Variants in SCAI observed in about 807,000 individuals in gnomAD.
The protein encoded by SCAI is suppressor of cancer cell invasion.
A neutral mutation model predicts 92.2 loss-of-function variants in SCAI; 24 were observed. That is an observed-to-expected ratio of 0.26 (90% CI 0.19 to 0.37). The LOEUF (loss-of-function observed/expected upper bound fraction) is 0.37. Among genes scored for constraint, SCAI ranks in the 10% least tolerant of loss-of-function variants. The pLI, the probability that SCAI is intolerant of heterozygous loss-of-function variation, is 1.00. For synonymous variants in SCAI, 261 were observed against 258.6 expected, an observed-to-expected ratio of 1.01 and a Z score of -0.09; for missense variants, 450 against 736.2, an observed-to-expected ratio of 0.61 and a Z score of 4.50.
chr9:125,035,706 A>G (rs1833180608), intron 3 of SCAI, among the ~76,000 whole-genome samples: 1 of 152,220 alleles, frequency 6.6e-6, no homozygotes, highest in Non-Finnish European at 1.5e-5. Flanking sequence ...AGATAATACT[A>G]TCATCTATGA....
intron 9 of SCAI, among the ~76,000 whole-genome samples, chr9:125,005,300 C>T (rs1832480325): frequency 6.6e-6 from 1 of 152,102 alleles, no homozygotes; most frequent in Admixed American, 6.5e-5. Context: ...ATGAAGATTA[C>T]TAACTACACT....
At chr9:125,141,236 G>T (rs1835659095) in intron 2 of SCAI, among the ~76,000 whole-genome samples, 1 of 152,142 alleles carries the variant, frequency 6.6e-6, no homozygotes. Flanking sequence ...ATGGTTACTG[G>T]ATTGGACAGT....
intron 3 of SCAI, among the ~76,000 whole-genome samples, chr9:125,032,814 C>A (rs1588165288): frequency 6.7e-6 from 1 of 149,640 alleles, no homozygotes. Context: ...AAGGGGTTTC[C>A]CCATGTTGGC....
chr9:125,018,321 C>T (rs138880556), intron 9 of SCAI, among the ~76,000 whole-genome samples: 78 of 152,154 alleles, frequency 5.1e-4, no homozygotes, highest in African/African-American at 1.7e-3. Context: ...GTCTTGAACT[C>T]CTGACCTCAA....
At chr9:124,999,343 T>C (rs1203905665) in intron 13 of SCAI, among the ~76,000 whole-genome samples, 2 of 150,854 alleles carry the variant, frequency 1.3e-5, no homozygotes, top group Admixed American at 6.6e-5. Flanking sequence ...GCCGAGATCA[T>C]GCCACTGCAC....
At chr9:125,047,556 A>G (rs777517416) in intron 3 of SCAI, among the ~76,000 whole-genome samples, 21 of 152,206 alleles carry the variant, frequency 1.4e-4, no homozygotes, top group Non-Finnish European at 2.8e-4. Flanking sequence ...GTTGGAGGAG[A>G]CAAAGAAAGC....
intron 2 of SCAI, among the ~76,000 whole-genome samples, chr9:125,062,307 G>C (rs113550701): frequency 0.023 from 3,505 of 151,488 alleles, 143 homozygotes; most frequent in African/African-American, 0.081. Context: ...GTATTTTTTT[G>C]TAGAGACATG....
chr9:124,974,723 T>C (rs543277793), intron 15 of SCAI, among the ~76,000 whole-genome samples: 1 of 152,358 alleles, frequency 6.6e-6, no homozygotes, highest in East Asian at 1.9e-4. Flanking sequence ...GGATAAAATG[T>C]GTGAAGGACA....
chr9:125,126,854 A>C (rs928839460), intron 2 of SCAI, among the ~76,000 whole-genome samples: 1 of 152,210 alleles, frequency 6.6e-6, no homozygotes, highest in African/African-American at 2.4e-5. Context: ...TTAAGACATC[A>C]ATGGATGTTT....
chr9:125,101,859 C>T (rs911121342), intron 2 of SCAI, among the ~76,000 whole-genome samples: 1 of 152,158 alleles, frequency 6.6e-6, no homozygotes, highest in East Asian at 1.9e-4. Context: ...GTTTAGATTT[C>T]CTTTTGAGAA....
chr9:125,057,711 G>A (rs1013805148), intron 2 of SCAI, among the ~76,000 whole-genome samples: 2 of 152,194 alleles, frequency 1.3e-5, no homozygotes, highest in Non-Finnish European at 2.9e-5. Flanking sequence ...TGGAGGACTG[G>A]CAGGGAAAGT....
At position 124,949,766 on chromosome 9, in the gene SCAI, T is replaced by C. The variant is rs1831204056; in HGVS notation, c.*3041A>G. On this transcript the variant is annotated 3_prime_UTR_variant, in exon 18 of 18. Transcript: ENST00000336505. The surrounding 1 kb of genome is among the most constrained non-coding windows in gnomAD (Gnocchi z 4.0). Reference sequence around the variant, plus strand: ...ATGTTTATTGCCTTACTCCTTCTACTAGAATGTAAGCTTCATGAACATGAG... The same window carrying C: ...ATGTTTATTGCCTTACTCCTTCTACCAGAATGTAAGCTTCATGAACATGAG... 6.6e-6 allele frequency: 1 copy of C among 152,238 alleles called. No individual in the cohort carries two copies. Among genetic ancestry groups the C allele is most frequent in the African/African-American group, 2.4e-5 (1 of 41,456 alleles). 9.4% of individuals were successfully genotyped at this position (152,238 alleles called of 1,614,324 possible).
At chr9:125,030,575 T>A (rs1179592522) in intron 3 of SCAI, among the ~76,000 whole-genome samples, 1 of 152,100 alleles carries the variant, frequency 6.6e-6, no homozygotes, top group Admixed American at 6.6e-5. Context: ...GTAATAGGAG[T>A]ACGTTATTGC....
chr9:124,957,145 C>T (rs1197180062), intron 17 of SCAI, among the ~76,000 whole-genome samples: 1 of 151,948 alleles, frequency 6.6e-6, no homozygotes, highest in Admixed American at 6.6e-5. Flanking sequence ...GCATGTGCCA[C>T]CACAGCCCAA....
At chr9:125,141,285 TCCA>T (rs1411058953) in intron 2 of SCAI, among the ~76,000 whole-genome samples, 1 of 152,226 alleles carries the variant, frequency 6.6e-6, no homozygotes, top group African/African-American at 2.4e-5. Flanking sequence ...TGTTGGCACT[TCCA>T]CCATCAGCAT....
chr9:125,113,474 G>A (rs753804726), intron 2 of SCAI, among the ~76,000 whole-genome samples: 1 of 151,976 alleles, frequency 6.6e-6, no homozygotes, highest in Admixed American at 6.6e-5. Context: ...ACTGTAATGT[G>A]GTATCCTGGG....
intron 3 of SCAI, among the ~76,000 whole-genome samples, chr9:125,045,216 C>A (rs927367872): frequency 9.2e-5 from 14 of 152,164 alleles, no homozygotes; most frequent in Non-Finnish European, 1.9e-4. Flanking sequence ...TAGACATGCA[C>A]CACCATGCCT....
In SCAI at chr9:124,946,767, A is replaced by C. The variant is rs775497631; in HGVS notation, c.*6040T>G. The C allele has an allele frequency of 2.6e-5, 4 of 152,224 alleles. No individual in the cohort carries two copies. Among genetic ancestry groups the C allele is most frequent in the Non-Finnish European group, 5.9e-5 (4 of 68,028 alleles). 9.4% of individuals were successfully genotyped at this position (152,224 alleles called of 1,614,324 possible). A position where few individuals can be genotyped will look rare whatever the true frequency, so the allele number is the denominator to read the frequency against. On this transcript the variant is annotated 3_prime_UTR_variant, in exon 18 of 18. Coordinates refer to ENST00000336505, the MANE Select transcript of SCAI (RefSeq NM_001144877.3). The surrounding 1 kb of genome is among the most constrained non-coding windows in gnomAD (Gnocchi z 4.0). Reference sequence around the variant, plus strand: ...CATCTAATATTAAAAACTCTACTTCATGTGCGAATATATCATCAACTTGCA... The same window carrying C: ...CATCTAATATTAAAAACTCTACTTCCTGTGCGAATATATCATCAACTTGCA...
chr9:125,078,992 G>A (rs73666668), intron 2 of SCAI, among the ~76,000 whole-genome samples: 2,383 of 152,062 alleles, frequency 0.016, 74 homozygotes, highest in African/African-American at 0.054. Context: ...TAATAAGCTT[G>A]TCTTGCAATT....
Sources: allele counts gnomAD v4.1 joint callset (sites outside exome capture counted in the v4.1 genomes callset), GRCh38; gene constraint gnomAD v4.1.1; non-coding constraint Gnocchi (gnomAD v3.1); transcripts MANE v1.5; gene names NCBI Gene and HGNC (gene_info 2026-07-23, HGNC 2026-07-21).